Variants in LDAH observed in about 807,000 individuals in gnomAD.
LDAH encodes the protein lipid droplet associated hydrolase, also known as lipid droplet-associated hydrolase.
A neutral mutation model predicts 29.6 loss-of-function variants in LDAH; 26 were observed. The ratio of observed to expected loss-of-function variants is 0.88; its 90% CI spans 0.64 to 1.22. The LOEUF (loss-of-function observed/expected upper bound fraction) is 1.22. Ranked by LOEUF, LDAH falls within the 50% of genes most tolerant of loss-of-function variation. LDAH has a pLI of 0.00. For missense variants in LDAH, 344 were observed against 387.3 expected (o/e 0.89, Z 0.94); for synonymous variants, 117 against 133.0 (o/e 0.88, Z 0.83).
intron 3 of LDAH, among the ~76,000 whole-genome samples, chr2:20,787,881 C>A (rs1670665524): frequency 6.6e-6 from 1 of 152,134 alleles, no homozygotes; most frequent in African/African-American, 2.4e-5. Flanking sequence ...CCTTGTGCTG[C>A]TATTCCTAGA....
At chr2:20,765,180 A>G (rs1046088843) in intron 4 of LDAH, among the ~76,000 whole-genome samples, 9 of 152,244 alleles carry the variant, frequency 5.9e-5, no homozygotes, top group Non-Finnish European at 1.5e-5. Context: ...TGTTCCAACA[A>G]AAGTTCCTAT....
chr2:20,699,847 T>C (rs996623430), intron 6 of LDAH, among the ~76,000 whole-genome samples: 3 of 152,234 alleles, frequency 2.0e-5, no homozygotes, highest in African/African-American at 7.2e-5. Context: ...ATGATTACAC[T>C]TGCATATGGA....
intron 4 of LDAH, among the ~76,000 whole-genome samples, chr2:20,745,737 T>C (rs478658): frequency 0.59 from 88,954 of 152,016 alleles, 27,627 homozygotes; most frequent in South Asian, 0.8. Context: ...GTTAATTAGC[T>C]GTAATACATG....
chr2:20,708,611 G>A (rs892166949), intron 5 of LDAH, among the ~76,000 whole-genome samples: 14 of 152,106 alleles, frequency 9.2e-5, no homozygotes, highest in African/African-American at 2.9e-4. Context: ...ACTGGAACTT[G>A]GACAAGTGGA....
intron 5 of LDAH, among the ~76,000 whole-genome samples, chr2:20,718,117 C>T (rs1203487544): frequency 1.3e-5 from 2 of 151,636 alleles, no homozygotes; most frequent in African/African-American, 4.8e-5. Context: ...GACAGGGTTA[C>T]AAAACAACAA....
intron 5 of LDAH, among the ~76,000 whole-genome samples, chr2:20,718,797 G>C (rs938634821): frequency 5.9e-5 from 9 of 152,010 alleles, no homozygotes; most frequent in African/African-American, 2.2e-4. Context: ...TAAAAGAATA[G>C]AAATCATATT....
chr2:20,683,770 T>A (rs1223462410), downstream of LDAH, among the ~76,000 whole-genome samples: 1 of 152,166 alleles, frequency 6.6e-6, no homozygotes, highest in Non-Finnish European at 1.5e-5. Context: ...AAGTTTGCTA[T>A]CCTCCTTTAG....
intron 4 of LDAH, 107 bp downstream of exon 4, chr2:20,774,703 G>A: frequency 8.9e-7 from 1 of 1,119,476 alleles, no homozygotes. Flanking sequence ...CCCTCTCTCT[G>A]TTCTATTTAT....
chr2:20,739,695 G>C (rs1044550825), intron 5 of LDAH, among the ~76,000 whole-genome samples: 1 of 152,174 alleles, frequency 6.6e-6, no homozygotes, highest in South Asian at 2.1e-4. Flanking sequence ...TATATACTAT[G>C]TACTATATGC....
chr2:20,709,106 C>T (rs1007069197), intron 5 of LDAH, among the ~76,000 whole-genome samples: 1 of 152,006 alleles, frequency 6.6e-6, no homozygotes, highest in African/African-American at 2.4e-5. Context: ...TTTTTGAGTG[C>T]CAACATGATG....
chr2:20,761,572 A>G (rs566387602), intron 4 of LDAH, among the ~76,000 whole-genome samples: 1 of 152,332 alleles, frequency 6.6e-6, no homozygotes, highest in South Asian at 2.1e-4. Flanking sequence ...TGTACCCAGA[A>G]GGACTTAAGA....
intron 4 of LDAH, among the ~76,000 whole-genome samples, chr2:20,769,867 G>C (rs1348253517): frequency 2.0e-5 from 3 of 152,090 alleles, no homozygotes; most frequent in East Asian, 3.8e-4. Context: ...GTAGTTACTG[G>C]TTTTCTCTGC....
intron 3 of LDAH, among the ~76,000 whole-genome samples, chr2:20,777,813 ATTATT>A (rs1337449282): frequency 6.6e-6 from 1 of 152,160 alleles, no homozygotes; most frequent in Non-Finnish European, 1.5e-5. Context: ...TTTCATTCCT[ATTATT>A]TTAATAGTAA....
At chr2:20,740,665 T>TATTTATTC (rs1307987550) in intron 4 of LDAH, among the ~76,000 whole-genome samples, 2 of 152,192 alleles carry the variant, frequency 1.3e-5, no homozygotes, top group Non-Finnish European at 1.5e-5. Flanking sequence ...TACCGTAGTG[T>TATTTATTC]ATTTATTCAT....
intron 4 of LDAH, among the ~76,000 whole-genome samples, chr2:20,744,005 C>G (rs112668480): frequency 0.03 from 4,542 of 151,864 alleles, 230 homozygotes; most frequent in African/African-American, 0.1. Flanking sequence ...CCCATCAAAG[C>G]CATTTTTATT....
At chr2:20,736,999 C>T (rs113753335) in intron 5 of LDAH, among the ~76,000 whole-genome samples, 1 of 152,156 alleles carries the variant, frequency 6.6e-6, no homozygotes. Context: ...AAGAACTATA[C>T]AAAGTAGGGA....
intron 1 of LDAH, among the ~76,000 whole-genome samples, chr2:20,802,007 TATATAC>T (rs1271756094): frequency 6.6e-6 from 1 of 151,602 alleles, no homozygotes; most frequent in Non-Finnish European, 1.5e-5. Flanking sequence ...TATATATGTA[TATATAC>T]ATATACATAC....
intron 1 of LDAH, among the ~76,000 whole-genome samples, chr2:20,802,272 C>A (rs927497060): frequency 6.6e-6 from 1 of 151,954 alleles, no homozygotes; most frequent in African/African-American, 2.4e-5. Flanking sequence ...GTTGGCCAGG[C>A]CGGTCTTGAA....
At position 20,685,156 on chromosome 2, in the gene LDAH, A is replaced by C; in HGVS notation, c.*1747T>G. On this transcript the variant is annotated 3_prime_UTR_variant, in exon 7 of 7. Transcript: ENST00000237822. ...TCTTAGGCTCTAAAAACCAGAAATA[A>C]GACACAATTTCATACGTGCAGACTT... 1 of 527,220 alleles carries C rather than the reference A, an allele frequency of 1.9e-6. No individual in the cohort carries two copies. Among genetic ancestry groups the C allele is most frequent in the South Asian group, 4.0e-5 (1 of 25,300 alleles). 32.7% of individuals were successfully genotyped at this position (527,220 alleles called of 1,614,324 possible).
Sources: allele counts gnomAD v4.1 joint callset (sites outside exome capture counted in the v4.1 genomes callset), GRCh38; gene constraint gnomAD v4.1.1; transcripts MANE v1.5; gene names NCBI Gene and HGNC (gene_info 2026-07-23, HGNC 2026-07-21).